The following TANGO6 variants were observed in gnomAD, a reference collection of about 807,000 sequenced individuals.
TANGO6 encodes the protein transport and Golgi organization protein 6 homolog.
Under a neutral mutation model 114.2 loss-of-function variants are expected in TANGO6, and 90 were observed. The observed-to-expected ratio is 0.79, with a 90% CI of 0.66 to 0.94. The LOEUF is 0.94. TANGO6 is among the 40% of genes least tolerant of loss of function. The pLI, the probability that TANGO6 is intolerant of heterozygous loss-of-function variation, is 0.00. For synonymous variants in TANGO6, 477 were observed against 509.8 expected (o/e 0.94, Z 0.87); for missense variants, 1,274 against 1,315.3 (o/e 0.97, Z 0.49).
intron 7 of TANGO6, among the ~76,000 whole-genome samples, chr16:68,881,223 T>C (rs905816010): frequency 1.3e-5 from 2 of 152,206 alleles, no homozygotes; most frequent in Non-Finnish European, 2.9e-5. Context: ...ATTGAAGAAG[T>C]TGACATGGAG....
chr16:68,922,719 A>G (rs1963111835), intron 12 of TANGO6, among the ~76,000 whole-genome samples: 1 of 152,098 alleles, frequency 6.6e-6, no homozygotes, highest in Non-Finnish European at 1.5e-5. Context: ...TGGTCTCTAA[A>G]GCACGAGGCT....
chr16:68,998,395 T>A (rs1365164482), intron 15 of TANGO6, among the ~76,000 whole-genome samples: 1 of 152,164 alleles, frequency 6.6e-6, no homozygotes, highest in African/African-American at 2.4e-5. Flanking sequence ...AATTTTTCTC[T>A]CTCCAGTCTC....
intron 15 of TANGO6, among the ~76,000 whole-genome samples, chr16:68,982,922 C>G (rs987973380): frequency 5.3e-5 from 8 of 151,798 alleles, no homozygotes; most frequent in African/African-American, 1.7e-4. Context: ...ATTTCTCCTC[C>G]AAAGGGATCA....
chr16:69,075,911 T>C (rs979946054), intron 17 of TANGO6, among the ~76,000 whole-genome samples: 3 of 151,332 alleles, frequency 2.0e-5, no homozygotes, highest in Non-Finnish European at 4.4e-5. Context: ...ACTACAGGCG[T>C]GCACCACCGT....
In TANGO6 at chr16:68,909,339, C is replaced by A. The variant is rs72787286; in HGVS notation, c.1929C>A (p.Val643=). ...AAGGCCAAGAGCGGAAGCTGCTTGT[C>A]CTGCAGCTGATGGCTGTTCTGTGCG... The part of the protein sequence containing the change: ...LVEGQERKLL[V]LQLMAVLCER... The change falls in exon 11 of 18, where the codon GTC becomes GTA. Residue 643 remains valine (V), a synonymous_variant. Transcript: ENST00000261778. 1.4e-5 allele frequency: 23 copies of A among 1,608,262 alleles called. No individual in the cohort carries two copies. In the Admixed American group the frequency reaches 3.9e-4, roughly 27 times the overall value.
At chr16:69,071,801 A>G (rs112624910) in intron 17 of TANGO6, among the ~76,000 whole-genome samples, 5 of 152,238 alleles carry the variant, frequency 3.3e-5, no homozygotes, top group Non-Finnish European at 7.3e-5. Context: ...GGTCAAGCTC[A>G]TTGAAAGAGT....
rs759440224 is a variant in TANGO6, at chr16:68,867,107, GGT to G, written c.884_885del (p.Cys295SerfsTer16). 6.2e-7 allele frequency: 1 copy of G among 1,613,282 alleles called. No homozygotes were observed. The highest frequency in any genetic ancestry group is 1.1e-5 in the South Asian group (1 of 91,068). On this transcript the variant is annotated frameshift_variant, in exon 4 of 18. Transcript: ENST00000261778. LOFTEE classifies it high-confidence loss of function. ...TGCACAGATGTGAAGACACAGATGAGGTGTCGGGCCCCAGCTTGGCTTCGGCG... is the reference window on the plus strand; with the variant it reads ...TGCACAGATGTGAAGACACAGATGAGGTCGGGCCCCAGCTTGGCTTCGGCG...
At chr16:69,023,138 C>G (rs544635906) in intron 16 of TANGO6, among the ~76,000 whole-genome samples, 159 bp downstream of exon 16, 2 of 152,212 alleles carry the variant, frequency 1.3e-5, no homozygotes, top group South Asian at 4.1e-4. Context: ...AAGGCTTCAT[C>G]TGTCTCACAT....
intron 17 of TANGO6, among the ~76,000 whole-genome samples, chr16:69,053,654 C>T (rs1597073404): frequency 6.6e-6 from 1 of 152,120 alleles, no homozygotes; most frequent in Admixed American, 6.6e-5. Flanking sequence ...TGTACAGGTA[C>T]TTATTTATGG....
At chr16:68,867,380 G>T in intron 4 of TANGO6, 160 bp downstream of exon 4, 3 of 836,904 alleles carry the variant, frequency 3.6e-6, no homozygotes, top group South Asian at 3.9e-5. Flanking sequence ...CCGTTAATGA[G>T]CTTCTTTTCC....
At chr16:69,034,738 G>A (rs1959658518) in intron 16 of TANGO6, 1 of 152,114 alleles carries the variant, frequency 6.6e-6, no homozygotes, top group Non-Finnish European at 1.5e-5. Context: ...CTGCTATGAT[G>A]ATGCCAGCTG....
At chr16:69,077,264 C>G (rs1184695387) in intron 17 of TANGO6, among the ~76,000 whole-genome samples, 1 of 151,610 alleles carries the variant, frequency 6.6e-6, no homozygotes, top group Non-Finnish European at 1.5e-5. Context: ...CTATGTTACC[C>G]AGGCTGGAAG....
At chr16:68,858,631 C>T (rs952739803) in intron 1 of TANGO6, among the ~76,000 whole-genome samples, 1 of 152,036 alleles carries the variant, frequency 6.6e-6, no homozygotes, top group African/African-American at 2.4e-5. Context: ...CAGGTGTGCA[C>T]CACCACACTT....
At chr16:68,978,039 T>C (rs750414987) in intron 15 of TANGO6, among the ~76,000 whole-genome samples, 22 of 152,150 alleles carry the variant, frequency 1.4e-4, no homozygotes, top group Non-Finnish European at 2.5e-4. Context: ...GAACTTTCTA[T>C]ATTTGCCTTA....
At chr16:68,852,049 A>G (rs1355913090) in intron 1 of TANGO6, among the ~76,000 whole-genome samples, 1 of 152,224 alleles carries the variant, frequency 6.6e-6, no homozygotes, top group African/African-American at 2.4e-5. Flanking sequence ...TCATTAAATA[A>G]TGTTCAGCAT....
At chr16:68,948,736 ATC>A (rs751375668) in intron 14 of TANGO6, among the ~76,000 whole-genome samples, 1 of 152,110 alleles carries the variant, frequency 6.6e-6, no homozygotes, top group East Asian at 1.9e-4. Flanking sequence ...TTTTTAAGCA[ATC>A]TCTGTGTGTA....
chr16:68,887,595 G>A (rs1050459542), intron 7 of TANGO6, among the ~76,000 whole-genome samples: 4 of 152,096 alleles, frequency 2.6e-5, no homozygotes, highest in Admixed American at 1.3e-4. Flanking sequence ...TTCCTTCTAG[G>A]GCCAGGCACA....
chr16:68,859,315 C>A (rs1353966983), intron 1 of TANGO6, among the ~76,000 whole-genome samples: 4 of 152,150 alleles, frequency 2.6e-5, no homozygotes. Context: ...GGACTACAGG[C>A]ACTCACCACC....
At chr16:69,058,745 A>G (rs902487593) in intron 17 of TANGO6, among the ~76,000 whole-genome samples, 2 of 152,110 alleles carry the variant, frequency 1.3e-5, no homozygotes, top group East Asian at 1.9e-4. Flanking sequence ...GGCTCACTGC[A>G]AGCTCTGCTT....
Sources: allele counts gnomAD v4.1 joint callset (sites outside exome capture counted in the v4.1 genomes callset), GRCh38; gene constraint gnomAD v4.1.1; transcripts MANE v1.5; gene names NCBI Gene and HGNC (gene_info 2026-07-23, HGNC 2026-07-21).